The following SLC39A12 variants were observed in gnomAD, a reference collection of about 807,000 sequenced individuals.
The protein encoded by SLC39A12 is solute carrier family 39 member 12.
SLC39A12 carries 63 observed loss-of-function variants against 71.1 expected under a neutral mutation model. The observed-to-expected ratio is 0.89, with a 90% CI of 0.72 to 1.09. The LOEUF (loss-of-function observed/expected upper bound fraction) is 1.09, where lower values mean the gene tolerates loss of function less well. Among genes scored for constraint, SLC39A12 ranks in the 50% least tolerant of loss-of-function variants. The pLI is 0.00. For missense variants in SLC39A12, 892 were observed against 812.6 expected (o/e 1.10, Z -1.19); for synonymous variants, 351 against 301.3 (o/e 1.16, Z -1.71).
chr10:18,014,889 G>A (rs7070994), intron 12 of SLC39A12, among the ~76,000 whole-genome samples: 10,379 of 152,062 alleles, frequency 0.068, 924 homozygotes, highest in African/African-American at 0.21. Flanking sequence ...AGCTGTGAAG[G>A]GACAACCTAT....
At chr10:18,000,287 G>A (rs979863528) in intron 10 of SLC39A12, among the ~76,000 whole-genome samples, 1 of 152,182 alleles carries the variant, frequency 6.6e-6, no homozygotes, top group Non-Finnish European at 1.5e-5. Context: ...CAAACATTTA[G>A]TCTATAGCAA....
At chr10:17,993,950 G>A (rs993320902) in intron 9 of SLC39A12, among the ~76,000 whole-genome samples, 10 of 152,256 alleles carry the variant, frequency 6.6e-5, no homozygotes, top group Non-Finnish European at 1.2e-4. Context: ...AAGAGTTTAC[G>A]GTGTAAGGAC....
chr10:18,015,638 AT>A (rs1836355672), intron 12 of SLC39A12, among the ~76,000 whole-genome samples: 1 of 66,712 alleles, frequency 1.5e-5, no homozygotes, highest in South Asian at 2.9e-4. Flanking sequence ...CTTCTTTTTT[AT>A]TTTTAAAAAA....
chr10:18,000,584 G>A (rs551590146), intron 10 of SLC39A12, 83 bp from the exon 11 acceptor site: 3 of 1,271,980 alleles, frequency 2.4e-6, no homozygotes, highest in Admixed American at 1.8e-5. Context: ...AAGTGTAGGT[G>A]GGAAGGTTGG....
At chr10:17,965,227 G>A (rs7917739) in intron 3 of SLC39A12, among the ~76,000 whole-genome samples, 2,207 of 151,950 alleles carry the variant, frequency 0.015, 47 homozygotes, top group African/African-American at 0.05. Context: ...AAAAAAAAAG[G>A]ATAGGGAGAA....
At position 17,993,207 on chromosome 10, in the gene SLC39A12, C is replaced by T. The variant is rs373320291; in HGVS notation, c.1449C>T (p.His483=). 109 of 1,551,612 alleles carry T rather than the reference C, an allele frequency of 7.0e-5. No homozygotes were observed. The African/African-American group carries it at 8.1e-4, about 11-fold the overall frequency. ...AGGGCCTGTCATTGGTTAATGGGCA[C>T]GTGGGTCATTCCCACCATCTTGCAC... ...DKQGLSLVNG[H]VGHSHHLALN... The change falls in exon 9 of 13, where the codon CAC becomes CAT. Residue 483 remains histidine, a synonymous_variant. Transcript: ENST00000377369.
intron 12 of SLC39A12, among the ~76,000 whole-genome samples, chr10:18,033,394 G>C (rs1014706617): frequency 3.4e-5 from 5 of 148,226 alleles, no homozygotes; most frequent in East Asian, 2.1e-4. Context: ...TGTATGTGTC[G>C]AGGAATTTAT....
chr10:18,037,405 G>C (rs1837083718), intron 12 of SLC39A12, among the ~76,000 whole-genome samples: 1 of 152,096 alleles, frequency 6.6e-6, no homozygotes, highest in African/African-American at 2.4e-5. Context: ...TAGAAACAGT[G>C]AATCTCAGAT....
chr10:18,041,535 TACACACACAC>T lies in SLC39A12; in HGVS notation c.1948-1157_1948-1148del, dbSNP rs56222977. Among the ~76,000 whole-genome samples the T allele has an allele frequency of 9.1e-5, 11 of 120,692 alleles. No individual in the cohort carries two copies. In the South Asian group the frequency reaches 1.3e-3, roughly 15 times the overall value. The allele number at this position is 120,692 out of a possible 152,430, so 79.2% of individuals were successfully genotyped here. Reference sequence around the variant, plus strand: ...TTATATATATATATATGTATATATATACACACACACACACACACACACGCACACATACACA... The same window carrying T: ...TTATATATATATATATGTATATATATACACACACACACGCACACATACACA... On this transcript the variant is annotated intron_variant, in intron 12 of 12. Transcript: ENST00000377369.
chr10:18,009,846 A>G (rs995844077), intron 12 of SLC39A12: 5 of 152,218 alleles, frequency 3.3e-5, no homozygotes, highest in Non-Finnish European at 5.9e-5. Flanking sequence ...ATCAAACCTG[A>G]GTATTCAATC....
At chr10:17,991,535 G>A (rs868538688) in intron 8 of SLC39A12, among the ~76,000 whole-genome samples, 1 of 152,200 alleles carries the variant, frequency 6.6e-6, no homozygotes, top group South Asian at 2.1e-4. Flanking sequence ...TTCATGGTTG[G>A]TTTAGGAACT....
At chr10:17,954,131 A>G (rs1375237733) in intron 2 of SLC39A12, among the ~76,000 whole-genome samples, 4 of 151,906 alleles carry the variant, frequency 2.6e-5, no homozygotes, top group African/African-American at 9.7e-5. Flanking sequence ...GCGAATCTCA[A>G]CCCTGATTGG....
intron 9 of SLC39A12, 100 bp downstream of exon 9, chr10:17,993,391 A>G: frequency 2.4e-6 from 2 of 830,768 alleles, no homozygotes; most frequent in Non-Finnish European, 3.8e-6. Flanking sequence ...AACAGATTTC[A>G]TACTCCTGAT....
At chr10:17,962,017 A>C (rs1834704423) in intron 3 of SLC39A12, among the ~76,000 whole-genome samples, 155 bp downstream of exon 3, 1 of 152,218 alleles carries the variant, frequency 6.6e-6, no homozygotes, top group South Asian at 2.1e-4. Context: ...ACATAATTTA[A>C]AATTCCGAGT....
At chr10:18,042,602 G>A (rs557973065) in intron 12 of SLC39A12, 103 bp from the exon 13 acceptor site, 9 of 1,153,518 alleles carry the variant, frequency 7.8e-6, no homozygotes, top group South Asian at 7.4e-5. Flanking sequence ...GAATTTTAAA[G>A]GTTATTAAGT....
chr10:17,978,103 A>G (rs370086588), intron 5 of SLC39A12, 29 bp downstream of exon 5: 49 of 1,521,850 alleles, frequency 3.2e-5, no homozygotes, highest in Non-Finnish European at 4.1e-5. Context: ...TTATTCAAGC[A>G]TTTGCTACTG....
At chr10:17,968,952 A>C (rs928155029) in intron 4 of SLC39A12, among the ~76,000 whole-genome samples, 11 of 152,054 alleles carry the variant, frequency 7.2e-5, no homozygotes, top group African/African-American at 1.9e-4. Context: ...TACATTTCCC[A>C]ACCTCTGGAA....
In SLC39A12 at chr10:18,024,359, C is replaced by G. The variant is rs550372337; in HGVS notation, c.1948-18346C>G. ...AGCTCTCCATGTCAGTCTGGAGGAA[C>G]TGAGGGGAGGCCAGGGGGATCTCCT... On this transcript the variant is annotated intron_variant, in intron 12 of 12. Coordinates refer to ENST00000377369, the MANE Select transcript of SLC39A12 (RefSeq NM_001145195.2). Among the ~76,000 whole-genome samples the G allele has an allele frequency of 2.0e-5, 3 of 152,080 alleles. 1 individual carries two copies. In the South Asian group the frequency reaches 6.2e-4, roughly 32 times the overall value.
chr10:17,983,402 C>T (rs992561825), intron 6 of SLC39A12, among the ~76,000 whole-genome samples: 1 of 151,922 alleles, frequency 6.6e-6, no homozygotes, highest in African/African-American at 2.4e-5. Flanking sequence ...GTGGGAGGAT[C>T]ATTGGAGCCC....
Sources: gnomAD v4.1 joint callset for allele counts (sites outside exome capture counted in the v4.1 genomes callset) on GRCh38, gnomAD v4.1.1 for gene constraint, MANE v1.5 for transcripts, NCBI Gene and HGNC (gene_info 2026-07-23, HGNC 2026-07-21) for gene names.